Variants in PTPN4 observed in about 807,000 individuals in gnomAD.
The protein encoded by PTPN4 is tyrosine-protein phosphatase non-receptor type 4.
A neutral mutation model predicts 135.5 loss-of-function variants in PTPN4; 49 were observed. That is an observed-to-expected ratio of 0.36 (90% CI 0.29 to 0.46). The LOEUF (loss-of-function observed/expected upper bound fraction) is 0.46, where lower values mean the gene tolerates loss of function less well. Ranked by LOEUF, PTPN4 falls within the 20% of genes least tolerant of loss-of-function variation. PTPN4 has a pLI of 1.00. For synonymous variants in PTPN4, 333 were observed against 369.9 expected (o/e 0.90, Z 1.14); for missense variants, 860 against 1,101.0 (o/e 0.78, Z 3.10).
chr2:119,830,535 C>T (rs562678584), intron 2 of PTPN4, among the ~76,000 whole-genome samples: 5 of 152,280 alleles, frequency 3.3e-5, no homozygotes, highest in African/African-American at 1.2e-4. Flanking sequence ...GTGGCGCGGT[C>T]TTGGCTCAGT....
chr2:119,806,110 G>A (rs534035255), intron 1 of PTPN4, among the ~76,000 whole-genome samples: 6 of 152,248 alleles, frequency 3.9e-5, no homozygotes, highest in East Asian at 1.9e-4. Flanking sequence ...ACTGGTACCC[G>A]CCACTGTAAA....
chr2:119,855,139 A>G (rs906847706), intron 2 of PTPN4, among the ~76,000 whole-genome samples: 4 of 152,086 alleles, frequency 2.6e-5, no homozygotes, highest in African/African-American at 9.7e-5. Context: ...TTTCTCATCC[A>G]TGGTTTTTCT....
chr2:119,893,708 G>C (rs1371340238), intron 9 of PTPN4, among the ~76,000 whole-genome samples: 2 of 152,116 alleles, frequency 1.3e-5, no homozygotes, highest in Non-Finnish European at 2.9e-5. Context: ...AGAAAGGAGA[G>C]CCTTTCTTTC....
intron 1 of PTPN4, among the ~76,000 whole-genome samples, chr2:119,776,842 C>T (rs761866638): frequency 2.4e-4 from 37 of 152,224 alleles, no homozygotes; most frequent in Non-Finnish European, 3.8e-4. Context: ...GTAAGATTTC[C>T]GGTCAACAGT....
intron 2 of PTPN4, among the ~76,000 whole-genome samples, chr2:119,836,565 G>A (rs1677296815): frequency 6.6e-6 from 1 of 152,376 alleles, no homozygotes; most frequent in South Asian, 2.1e-4. Flanking sequence ...ACAGGTGGGA[G>A]CCCTGCCCCC....
At chr2:119,903,643 C>T (rs72838977) in intron 10 of PTPN4, among the ~76,000 whole-genome samples, 3,651 of 152,106 alleles carry the variant, frequency 0.024, 63 homozygotes, top group Non-Finnish European at 0.033. Context: ...TGGGCACTTC[C>T]CAGGGGCCCA....
intron 1 of PTPN4, among the ~76,000 whole-genome samples, chr2:119,801,359 AT>A (rs1457960960): frequency 6.6e-6 from 1 of 152,178 alleles, no homozygotes; most frequent in Non-Finnish European, 1.5e-5. Context: ...AAATTCTGGG[AT>A]TACAGGCGTG....
chr2:119,771,152 T>G (rs1690727128), intron 1 of PTPN4, among the ~76,000 whole-genome samples: 1 of 152,192 alleles, frequency 6.6e-6, no homozygotes, highest in South Asian at 2.1e-4. Context: ...CAGAAGGCCA[T>G]GTGGATGAGT....
At chr2:119,874,479 A>AC (rs1419184065) in intron 3 of PTPN4, among the ~76,000 whole-genome samples, 1 of 152,200 alleles carries the variant, frequency 6.6e-6, no homozygotes, top group African/African-American at 2.4e-5. Flanking sequence ...ATGTAGATGA[A>AC]CCAAGAAAAC....
intron 2 of PTPN4, among the ~76,000 whole-genome samples, chr2:119,848,284 C>G (rs1677537098): frequency 1.3e-5 from 2 of 151,854 alleles, no homozygotes; most frequent in South Asian, 4.2e-4. Flanking sequence ...CACCATTCTC[C>G]CGCCTCAGCC....
intron 12 of PTPN4, among the ~76,000 whole-genome samples, chr2:119,924,868 G>A (rs1351327249): frequency 6.6e-6 from 1 of 152,048 alleles, no homozygotes; most frequent in Non-Finnish European, 1.5e-5. Flanking sequence ...TCAAACAAAA[G>A]CAATTTAATT....
At chr2:119,774,309 C>T (rs747378896) in intron 1 of PTPN4, among the ~76,000 whole-genome samples, 4 of 152,198 alleles carry the variant, frequency 2.6e-5, no homozygotes, top group Non-Finnish European at 4.4e-5. Flanking sequence ...AGATTGAGGT[C>T]TGCAGCTTTG....
In PTPN4 at chr2:119,930,532, A is replaced by T. The variant is rs185018012; in HGVS notation, c.1071-1892A>T. ...TAAATTTATACATTTAGATACAGAAACATAAGAGGTCTGTCTAATAGGAAG... is the reference window on the plus strand; with the variant it reads ...TAAATTTATACATTTAGATACAGAATCATAAGAGGTCTGTCTAATAGGAAG... On this transcript the variant is annotated intron_variant, in intron 13 of 26. Transcript: ENST00000263708. Among the ~76,000 whole-genome samples, 337 of 152,286 alleles carry T rather than the reference A, an allele frequency of 2.2e-3. 1 individual carries two copies. Among genetic ancestry groups the T allele is most frequent in the Non-Finnish European group, 3.9e-3 (267 of 67,982 alleles).
chr2:119,970,115 A>G (rs536908273), intron 26 of PTPN4, among the ~76,000 whole-genome samples: 10 of 151,794 alleles, frequency 6.6e-5, no homozygotes, highest in African/African-American at 2.4e-4. Context: ...GCTGGAGTGC[A>G]ATGGCATGAT....
In PTPN4 at chr2:119,853,101, C is replaced by T. The variant is rs943831346; in HGVS notation, c.139-9435C>T. Among the ~76,000 whole-genome samples the T allele has an allele frequency of 4.6e-5, 7 of 152,084 alleles. 1 individual carries two copies. The highest frequency in any genetic ancestry group is 2.6e-4 in the Admixed American group (4 of 15,274). On this transcript the variant is annotated intron_variant, in intron 2 of 26. Transcript: ENST00000263708. ...AAGAGAACATATATTCTGCTGTTGTCGAGTAGAGTGCCCTAGAAATGTCAG... is the reference window on the plus strand; with the variant it reads ...AAGAGAACATATATTCTGCTGTTGTTGAGTAGAGTGCCCTAGAAATGTCAG...
At chr2:119,817,199 A>G (rs1045247491) in intron 2 of PTPN4, among the ~76,000 whole-genome samples, 1 of 152,120 alleles carries the variant, frequency 6.6e-6, no homozygotes, top group Non-Finnish European at 1.5e-5. Flanking sequence ...TGGCTTTTAC[A>G]TTTAAGTCTT....
rs1679664706 is a variant in PTPN4, at chr2:119,979,691, T to TATGG, written c.*2623_*2624insGGAT. On this transcript the variant is annotated 3_prime_UTR_variant, in exon 27 of 27. Transcript: ENST00000263708. ...ACCATGTAGTTCTAGACTCCGTCCA[T>TATGG]ATCAGTGTAACATTGTGTGATAAAA... 2 of 152,210 alleles carry TATGG rather than the reference T, an allele frequency of 1.3e-5. No individual in the cohort carries two copies. The highest frequency in any genetic ancestry group is 6.5e-5 in the Admixed American group (1 of 15,284). 9.4% of individuals were successfully genotyped at this position (152,210 alleles called of 1,614,324 possible).
chr2:119,877,869 G>A (rs763660222), intron 5 of PTPN4, among the ~76,000 whole-genome samples: 3 of 148,528 alleles, frequency 2.0e-5, no homozygotes, highest in Non-Finnish European at 4.4e-5. Context: ...GTATCCAAAG[G>A]ATGCTGTGTG....
intron 5 of PTPN4, among the ~76,000 whole-genome samples, chr2:119,880,913 C>T (rs898118724): frequency 2.0e-5 from 3 of 152,046 alleles, no homozygotes; most frequent in Non-Finnish European, 4.4e-5. Context: ...TCTTCAGTGA[C>T]TTAATCAGCC....
Sources: gnomAD v4.1 joint callset for allele counts (sites outside exome capture counted in the v4.1 genomes callset) on GRCh38, gnomAD v4.1.1 for gene constraint, MANE v1.5 for transcripts, NCBI Gene and HGNC (gene_info 2026-07-23, HGNC 2026-07-21) for gene names.